Variants in ABCB4 observed in about 807,000 individuals in gnomAD.
The protein encoded by ABCB4 is phosphatidylcholine translocator ABCB4.
ABCB4 carries 76 observed loss-of-function variants against 145.7 expected under a neutral mutation model. The observed-to-expected ratio is 0.52, with a 90% CI of 0.43 to 0.63. The LOEUF is 0.63. Among genes scored for constraint, ABCB4 ranks in the 30% least tolerant of loss-of-function variants. ABCB4 has a pLI of 0.00. For missense variants in ABCB4, 1,234 were observed against 1,553.1 expected, an observed-to-expected ratio of 0.79 and a Z score of 3.45; for synonymous variants, 517 against 566.8, an observed-to-expected ratio of 0.91 and a Z score of 1.25.
rs368046518 is a variant in ABCB4, at chr7:87,439,820, A to G, written c.1578T>C (p.Val526=). The G allele has an allele frequency of 1.2e-6, 2 of 1,613,976 alleles. No individual in the cohort carries two copies. The part of the protein sequence containing the change: ...MKLPQKFDTL[V]GERGAQLSGG... ...CACTCAGCTGGGCCCCTCTCTCTCC[A>G]ACCAGGGTGTCAAATTTCTAACACA... is the stretch of plus-strand genomic sequence containing the variant. The change falls in exon 14 of 28, where the codon GTT becomes GTC. Residue 526 remains valine (V), a synonymous_variant. Coordinates refer to ENST00000649586, the MANE Select transcript of ABCB4 (RefSeq NM_000443.4).
At chr7:87,461,269 C>T (rs1310705869) in intron 4 of ABCB4, among the ~76,000 whole-genome samples, 1 of 152,332 alleles carries the variant, frequency 6.6e-6, no homozygotes, top group East Asian at 1.9e-4. Context: ...ACTTTTTAAA[C>T]TATCTGTCCT....
Position 87,402,080 on chromosome 7 carries a change from A to G in ABCB4, c.*16T>C. The G allele has an allele frequency of 6.2e-7, 1 of 1,613,700 alleles. No individual in the cohort carries two copies. The highest frequency in any genetic ancestry group is 1.7e-5 in the Admixed American group (1 of 60,022). On this transcript the variant is annotated 3_prime_UTR_variant, in exon 28 of 28. Transcript: ENST00000649586. Reference sequence around the variant, plus strand: ...AATAATTTGAATTTATTTTTAAAATATACTGTAGCAAAAGTTCATAAGTTC... The same window carrying G: ...AATAATTTGAATTTATTTTTAAAATGTACTGTAGCAAAAGTTCATAAGTTC...
chr7:87,406,319 T>G lies in ABCB4; in HGVS notation c.3455A>C (p.Asn1152Thr), dbSNP rs1003630964. 2 of 1,614,184 alleles carry G rather than the reference T, an allele frequency of 1.2e-6. No homozygotes were observed. Among genetic ancestry groups the G allele is most frequent in the Non-Finnish European group, 8.5e-7 (1 of 1,180,016 alleles). ...DEIVSAAKAANIHPFIETLPH... is the reference protein window; with the variant it reads ...DEIVSAAKAATIHPFIETLPH... ...TAACGTCTCGATGAAAGGATGTATGTTGGCAGCTTTGGCTGCACTCACAAT... is the reference window on the plus strand; with the variant it reads ...TAACGTCTCGATGAAAGGATGTATGGTGGCAGCTTTGGCTGCACTCACAAT... The change falls in exon 26 of 28, where the codon AAC becomes ACC. Residue 1152 changes from asparagine (N) to threonine (T), a missense_variant. Asn to Thr is a moderately conservative substitution (Grantham distance 65). Transcript: ENST00000649586.
At chr7:87,392,454 A>C in the ABCB4 span, 1 of 781,720 alleles carries the variant, frequency 1.3e-6, no homozygotes, top group Non-Finnish European at 2.2e-6. Flanking sequence ...ATCTTCCTAG[A>C]AATCTTTCCT....
At chr7:87,395,465 C>G in the ABCB4 span, among the ~76,000 whole-genome samples, 1 of 152,196 alleles carries the variant, frequency 6.6e-6, no homozygotes, top group Non-Finnish European at 1.5e-5. Context: ...TATTAACCAT[C>G]ACAAGAAGCA....
the ABCB4 span, among the ~76,000 whole-genome samples, chr7:87,385,583 T>G: frequency 6.6e-6 from 1 of 152,154 alleles, no homozygotes; most frequent in Non-Finnish European, 1.5e-5. Context: ...CTCTAATGGC[T>G]GTTTGTTGGT....
At chr7:87,435,643 A>G (rs1416868130) in intron 14 of ABCB4, among the ~76,000 whole-genome samples, 1 of 152,206 alleles carries the variant, frequency 6.6e-6, no homozygotes, top group Admixed American at 6.5e-5. Flanking sequence ...GCCACTTTGA[A>G]TATTCCAGCC....
intron 4 of ABCB4, among the ~76,000 whole-genome samples, chr7:87,462,088 C>T (rs1246827487): frequency 1.3e-5 from 2 of 152,122 alleles, no homozygotes; most frequent in Non-Finnish European, 2.9e-5. Flanking sequence ...TGTTGAATTT[C>T]GTTACTATGA....
intron 6 of ABCB4, 125 bp from the exon 7 acceptor site, chr7:87,451,919 T>TGC: frequency 2.3e-6 from 2 of 871,484 alleles, no homozygotes; most frequent in Non-Finnish European, 3.8e-6. Context: ...TTCAGAGTCT[T>TGC]AGCCTCTTGA....
rs10647775 is a variant in ABCB4, at chr7:87,426,944, AGTGTGTGT to A, written c.1894-32_1894-25del. On this transcript the variant is annotated intron_variant, in intron 15 of 27. Transcript: ENST00000649586. ...GTCTGAAAGAATATCAAGACATTAA[AGTGTGTGT>A]GTGTGTGTGTGTGTGTGTGTGTGTG... The A allele has an allele frequency of 0.011, 11,382 of 1,033,092 alleles. 440 individuals carry two copies. In the African/African-American group the frequency reaches 0.15, roughly 13 times the overall value. 64.0% of individuals were successfully genotyped at this position (1,033,092 alleles called of 1,614,324 possible).
intron 2 of ABCB4, among the ~76,000 whole-genome samples, chr7:87,474,062 T>C (rs1190703392): frequency 6.6e-6 from 1 of 152,262 alleles, no homozygotes; most frequent in Non-Finnish European, 1.5e-5. Flanking sequence ...ATTGTTAACT[T>C]TCTGTATTTC....
intron 27 of ABCB4, 48 bp from the exon 28 acceptor site, chr7:87,402,350 A>C (rs1259817272): frequency 3.1e-6 from 5 of 1,603,960 alleles, no homozygotes; most frequent in Non-Finnish European, 4.3e-6. Context: ...TGTATAAATT[A>C]GTTTTAACAT....
chr7:87,470,734 A>C (rs1813321489), intron 3 of ABCB4, among the ~76,000 whole-genome samples: 1 of 152,168 alleles, frequency 6.6e-6, no homozygotes, highest in Non-Finnish European at 1.5e-5. Flanking sequence ...GCTGGAGAGG[A>C]TGTGGAGAAA....
At chr7:87,429,914 TAAA>T (rs58654815) in intron 15 of ABCB4, among the ~76,000 whole-genome samples, 43 of 139,210 alleles carry the variant, frequency 3.1e-4, no homozygotes, top group African/African-American at 1.2e-3. Flanking sequence ...TTTTTTTTTT[TAAA>T]AAAAAAAAAA....
At chr7:87,464,048 C>T (rs1345155283) in intron 3 of ABCB4, among the ~76,000 whole-genome samples, 2 of 151,994 alleles carry the variant, frequency 1.3e-5, no homozygotes, top group East Asian at 3.9e-4. Context: ...AAATGCTTTA[C>T]TCTGCCCATT....
At chr7:87,474,333 TA>T (rs2116998942) in intron 2 of ABCB4, among the ~76,000 whole-genome samples, 1 of 152,338 alleles carries the variant, frequency 6.6e-6, no homozygotes, top group Non-Finnish European at 1.5e-5. Flanking sequence ...CCATTGGAAG[TA>T]ACACCATCTA....
intron 21 of ABCB4, 111 bp downstream of exon 21, chr7:87,417,201 A>G (rs1004772064): frequency 1.0e-6 from 1 of 958,604 alleles, no homozygotes; most frequent in Non-Finnish European, 1.6e-6. Context: ...TATTAGTTGT[A>G]GTGGGCACAA....
the ABCB4 span, among the ~76,000 whole-genome samples, chr7:87,371,011 G>A: frequency 1.3e-5 from 2 of 152,182 alleles, no homozygotes; most frequent in African/African-American, 4.8e-5. Context: ...CAGAGTAGAA[G>A]ATGTTTATAA....
intron 4 of ABCB4, among the ~76,000 whole-genome samples, chr7:87,455,867 G>A (rs1366438039): frequency 2.0e-5 from 3 of 152,130 alleles, no homozygotes; most frequent in African/African-American, 7.2e-5. Flanking sequence ...AGATAAGGTT[G>A]AAACTTATTT....
Sources: gnomAD v4.1 joint callset for allele counts (sites outside exome capture counted in the v4.1 genomes callset) on GRCh38, gnomAD v4.1.1 for gene constraint, MANE v1.5 for transcripts, NCBI Gene and HGNC (gene_info 2026-07-23, HGNC 2026-07-21) for gene names.